Variants in SAMD5 observed in about 807,000 individuals in gnomAD.
SAMD5 encodes the protein sterile alpha motif domain containing 5.
A neutral mutation model predicts 11.3 loss-of-function variants in SAMD5; 13 were observed. The observed-to-expected ratio is 1.15, with a 90% CI of 0.75 to 1.83. The LOEUF is 1.83. Ranked by LOEUF, SAMD5 falls within the 40% of genes most tolerant of loss-of-function variation. The pLI, the probability that SAMD5 is intolerant of heterozygous loss-of-function variation, is 0.00. For synonymous variants in SAMD5, 129 were observed against 111.3 expected, an observed-to-expected ratio of 1.16 and a Z score of -1.00; for missense variants, 255 against 239.1, an observed-to-expected ratio of 1.07 and a Z score of -0.44.
chr6:147,710,622 C>G lies in SAMD5; in HGVS notation c.163-26695C>G, dbSNP rs78077648. On this transcript the variant is annotated intron_variant, in intron 1 of 1. Coordinates refer to the SAMD5 transcript ENST00000566741. ...CCCTTATTTTGTTTAATAATGGCCC[C>G]AAAGTGCAGGAGTAATGATGCTGGC... is the stretch of plus-strand genomic sequence containing the variant. Among the ~76,000 whole-genome samples, 740 of 152,264 alleles carry G rather than the reference C, an allele frequency of 4.9e-3. 2 individuals carry two copies. Among genetic ancestry groups the G allele is most frequent in the Non-Finnish European group, 8.3e-3 (565 of 68,030 alleles).
chr6:147,660,066 A>C (rs1790625937), intron 1 of SAMD5, among the ~76,000 whole-genome samples: 2 of 152,160 alleles, frequency 1.3e-5, no homozygotes, highest in Non-Finnish European at 2.9e-5. Flanking sequence ...AACAACATTG[A>C]CAGGAAGCTT....
At chr6:147,841,155 T>C in the SAMD5 span, among the ~76,000 whole-genome samples, 16 of 152,338 alleles carry the variant, frequency 1.1e-4, no homozygotes, top group South Asian at 8.3e-4. Context: ...TCTGCAAGTG[T>C]AGAAGCTTTG....
At chr6:147,853,403 A>G in the SAMD5 span, among the ~76,000 whole-genome samples, 1 of 152,022 alleles carries the variant, frequency 6.6e-6, no homozygotes, top group East Asian at 1.9e-4. Context: ...AGGAAGCTAA[A>G]TTAATATCAA....
intron 1 of SAMD5, among the ~76,000 whole-genome samples, chr6:147,647,119 A>T (rs1360202974): frequency 1.3e-5 from 2 of 152,034 alleles, no homozygotes; most frequent in Non-Finnish European, 2.9e-5. Context: ...GTGAGCTAAG[A>T]TCATGCCATT....
chr6:147,787,137 A>G, the SAMD5 span, among the ~76,000 whole-genome samples: 97 of 152,322 alleles, frequency 6.4e-4, no homozygotes, highest in African/African-American at 2.3e-3. Flanking sequence ...AAAAGGACCT[A>G]CAATTTGTGG....
the SAMD5 span, among the ~76,000 whole-genome samples, chr6:147,900,317 A>G: frequency 1.1e-4 from 17 of 152,328 alleles, no homozygotes; most frequent in South Asian, 4.1e-4. Flanking sequence ...TATTGAGTTG[A>G]TAAAGGTTTA....
chr6:147,816,260 A>G, the SAMD5 span, among the ~76,000 whole-genome samples: 2 of 139,042 alleles, frequency 1.4e-5, no homozygotes, highest in South Asian at 2.4e-4. Flanking sequence ...AGCTTGGGCA[A>G]CAAGAGTGAA....
chr6:147,548,191 C>T (rs1788715712), intron 1 of SAMD5, among the ~76,000 whole-genome samples: 1 of 152,136 alleles, frequency 6.6e-6, no homozygotes, highest in South Asian at 2.1e-4. Flanking sequence ...AAAAGCCATT[C>T]AGAGATCTTA....
chr6:147,791,474 T>C, the SAMD5 span, among the ~76,000 whole-genome samples: 1 of 152,116 alleles, frequency 6.6e-6, no homozygotes, highest in East Asian at 1.9e-4. Flanking sequence ...GTGATATACG[T>C]TTATACCTTT....
intron 1 of SAMD5, among the ~76,000 whole-genome samples, chr6:147,561,186 A>T (rs538473559): frequency 1.6e-3 from 238 of 152,018 alleles, no homozygotes; most frequent in African/African-American, 5.2e-3. Flanking sequence ...GGCTTTTATG[A>T]ATTTATTTAT....
intron 1 of SAMD5, among the ~76,000 whole-genome samples, chr6:147,553,945 C>A (rs1788812654): frequency 6.6e-6 from 1 of 152,076 alleles, no homozygotes; most frequent in Admixed American, 6.5e-5. Flanking sequence ...TTCATTCTGG[C>A]TGCCACTAAA....
the SAMD5 span, among the ~76,000 whole-genome samples, chr6:147,903,736 C>T: frequency 6.8e-4 from 104 of 152,016 alleles, no homozygotes; most frequent in African/African-American, 2.3e-3. Flanking sequence ...GGTGAAACCC[C>T]GTCTCTACTA....
rs1420728434 is a variant in SAMD5, at chr6:147,565,674, G to C, written c.*1218G>C. 3 of 695,520 alleles carry C rather than the reference G, an allele frequency of 4.3e-6. No homozygotes were observed. In the African/African-American group the frequency reaches 5.8e-5, roughly 14 times the overall value. 43.1% of individuals were successfully genotyped at this position (695,520 alleles called of 1,614,324 possible). On this transcript the variant is annotated 3_prime_UTR_variant, in exon 2 of 2. Coordinates refer to ENST00000367474, the MANE Select transcript of SAMD5 (RefSeq NM_001030060.3). ...GGGGTTTTACCATGTTGGCCAGGCT[G>C]TTCTTGAACTCCTGGCCTCAAATGA...
chr6:147,669,420 CTTTTT>C (rs55877273), intron 1 of SAMD5, among the ~76,000 whole-genome samples: 1 of 74,516 alleles, frequency 1.3e-5, no homozygotes. Flanking sequence ...AGCTCCACTT[CTTTTT>C]TTTTTTTTTT....
chr6:147,826,929 G>T, the SAMD5 span, among the ~76,000 whole-genome samples: 1 of 152,112 alleles, frequency 6.6e-6, no homozygotes, highest in Non-Finnish European at 1.5e-5. Flanking sequence ...CTCAGAGGCT[G>T]CTCACGTCCT....
chr6:147,604,126 A>T (rs896687053), intron 1 of SAMD5, among the ~76,000 whole-genome samples: 1 of 152,210 alleles, frequency 6.6e-6, no homozygotes, highest in African/African-American at 2.4e-5. Flanking sequence ...AAGACTGACG[A>T]CTAGAAAAAT....
intron 1 of SAMD5, among the ~76,000 whole-genome samples, chr6:147,609,438 C>A (rs1789749039): frequency 6.6e-6 from 1 of 152,198 alleles, no homozygotes; most frequent in South Asian, 2.1e-4. Context: ...GTTGTTTAAG[C>A]CACCTAGTCT....
At chr6:147,918,281 C>G in the SAMD5 span, among the ~76,000 whole-genome samples, 4 of 152,260 alleles carry the variant, frequency 2.6e-5, no homozygotes, top group East Asian at 7.7e-4. Flanking sequence ...TCCTTCACAT[C>G]CCTTGTAAGC....
At chr6:147,814,405 A>G in the SAMD5 span, among the ~76,000 whole-genome samples, 1 of 152,336 alleles carries the variant, frequency 6.6e-6, no homozygotes, top group South Asian at 2.1e-4. Context: ...ACAACTTCCT[A>G]AGATTCTATA....
Sources: allele counts gnomAD v4.1 joint callset (sites outside exome capture counted in the v4.1 genomes callset), GRCh38; gene constraint gnomAD v4.1.1; transcripts MANE v1.5; gene names NCBI Gene and HGNC (gene_info 2026-07-23, HGNC 2026-07-21).